The following KIAA0232 variants were observed in gnomAD, a reference collection of about 807,000 sequenced individuals.
The protein encoded by KIAA0232 is uncharacterized protein KIAA0232.
KIAA0232 carries 27 observed loss-of-function variants against 122.0 expected under a neutral mutation model. The ratio of observed to expected loss-of-function variants is 0.22; its 90% CI spans 0.16 to 0.31. The LOEUF is 0.31. Ranked by LOEUF, KIAA0232 falls within the 10% of genes least tolerant of loss-of-function variation. The probability of loss-of-function intolerance (pLI) is 1.00; values close to 1 mark genes in which losing one functional copy is unlikely to be tolerated. For synonymous variants in KIAA0232, 613 were observed against 587.6 expected (o/e 1.04, Z -0.63); for missense variants, 1,551 against 1,634.2 (o/e 0.95, Z 0.88).
chr4:6,789,004 T>C (rs1402424684), intron 1 of KIAA0232, among the ~76,000 whole-genome samples: 2 of 152,104 alleles, frequency 1.3e-5, no homozygotes, highest in Admixed American at 1.3e-4. Context: ...AGAATCTCGC[T>C]CTGTCGCCCA....
Position 6,864,125 on chromosome 4 carries a change from C to T in KIAA0232, c.3743C>T (p.Ala1248Val), listed in dbSNP as rs1157484438. 6 of 1,614,088 alleles carry T rather than the reference C, an allele frequency of 3.7e-6. No homozygotes were observed. In the African/African-American group the frequency reaches 8.0e-5, roughly 22 times the overall value. ...ATTAATAATTTTTGTGGTTGCAAAG[C>T]AGGTTGTCAGTTTCCTGCTTATGAA... ...EEINNFCGCK[A>V]GCQFPAYEDN... The change falls in exon 7 of 10, where the codon GCA becomes GTA. Residue 1248 changes from alanine to valine, a missense_variant. Physicochemically the swap from Ala to Val is moderately conservative, Grantham distance 64. This residue lies in a region of KIAA0232 where 1,108 missense variants were observed against 1,154.8 expected (regional missense o/e 0.96). Transcript: ENST00000307659.
intron 3 of KIAA0232, among the ~76,000 whole-genome samples, chr4:6,838,525 T>A (rs930333062): frequency 6.6e-6 from 1 of 152,150 alleles, no homozygotes; most frequent in Non-Finnish European, 1.5e-5. Flanking sequence ...GCTTCTGAGG[T>A]TACTGGGAGT....
chr4:6,833,028 G>C (rs1277351088), intron 3 of KIAA0232, among the ~76,000 whole-genome samples: 2 of 152,140 alleles, frequency 1.3e-5, no homozygotes, highest in Non-Finnish European at 2.9e-5. Context: ...TCATTCAACA[G>C]ACCTTATTTG....
intron 2 of KIAA0232, among the ~76,000 whole-genome samples, chr4:6,820,641 T>C (rs1042962244): frequency 4.0e-5 from 6 of 151,836 alleles, no homozygotes; most frequent in African/African-American, 1.2e-4. Context: ...TATATGTATG[T>C]TATTAAATAA....
chr4:6,834,209 T>G (rs1719144098), intron 3 of KIAA0232, among the ~76,000 whole-genome samples: 1 of 152,220 alleles, frequency 6.6e-6, no homozygotes, highest in Non-Finnish European at 1.5e-5. Context: ...TGTCTCAGCC[T>G]TCCAAGTAGC....
At chr4:6,812,949 G>T (rs1482056947) in intron 2 of KIAA0232, among the ~76,000 whole-genome samples, 2 of 152,046 alleles carry the variant, frequency 1.3e-5, no homozygotes, top group Admixed American at 1.3e-4. Context: ...TATTTACAGT[G>T]TATTACAAAA....
At chr4:6,791,997 T>C (rs530988297) in intron 1 of KIAA0232, among the ~76,000 whole-genome samples, 1 of 152,184 alleles carries the variant, frequency 6.6e-6, no homozygotes, top group Non-Finnish European at 1.5e-5. Context: ...CCCTGCATAA[T>C]CTCTCCTCTT....
intron 8 of KIAA0232, among the ~76,000 whole-genome samples, chr4:6,872,878 C>T (rs1246643351): frequency 6.6e-6 from 1 of 152,224 alleles, no homozygotes; most frequent in Non-Finnish European, 1.5e-5. Flanking sequence ...GGAAGGCCAG[C>T]TTGGCCAGGT....
chr4:6,801,240 A>G (rs1560164028), intron 1 of KIAA0232, among the ~76,000 whole-genome samples: 2 of 152,228 alleles, frequency 1.3e-5, no homozygotes, highest in African/African-American at 4.8e-5. Context: ...AAAGAACTGA[A>G]TTTTCAATTT....
At chr4:6,788,323 CTCT>C (rs1366810886) in intron 1 of KIAA0232, among the ~76,000 whole-genome samples, 2 of 152,190 alleles carry the variant, frequency 1.3e-5, no homozygotes, top group African/African-American at 4.8e-5. Flanking sequence ...CAGCCTGCAT[CTCT>C]TCTTGTCACC....
intron 1 of KIAA0232, among the ~76,000 whole-genome samples, chr4:6,793,831 A>G (rs1237421549): frequency 6.6e-6 from 1 of 152,164 alleles, no homozygotes; most frequent in Non-Finnish European, 1.5e-5. Context: ...GATGGTTGTC[A>G]TTTTACAAAT....
chr4:6,812,965 A>C (rs1300562702), intron 2 of KIAA0232, among the ~76,000 whole-genome samples: 1 of 152,186 alleles, frequency 6.6e-6, no homozygotes, highest in Non-Finnish European at 1.5e-5. Context: ...CAAAAAAGGG[A>C]ACTATCTTAA....
At chr4:6,812,640 A>G (rs926187265) in intron 2 of KIAA0232, among the ~76,000 whole-genome samples, 1 of 152,218 alleles carries the variant, frequency 6.6e-6, no homozygotes, top group Non-Finnish European at 1.5e-5. Flanking sequence ...TTGCTAATAA[A>G]GATATATATG....
intron 2 of KIAA0232, among the ~76,000 whole-genome samples, chr4:6,807,267 A>G (rs1331787535): frequency 6.6e-6 from 1 of 152,224 alleles, no homozygotes; most frequent in Non-Finnish European, 1.5e-5. Flanking sequence ...CTTGCAATTT[A>G]TGAAAATATT....
At chr4:6,788,796 C>A (rs937497171) in intron 1 of KIAA0232, among the ~76,000 whole-genome samples, 2 of 152,058 alleles carry the variant, frequency 1.3e-5, no homozygotes, top group Non-Finnish European at 2.9e-5. Context: ...AGAACAGGGC[C>A]CAGCATATAG....
intron 9 of KIAA0232, among the ~76,000 whole-genome samples, chr4:6,878,379 T>A (rs28570271): frequency 2.7e-5 from 4 of 149,198 alleles, no homozygotes; most frequent in East Asian, 3.9e-4. Context: ...CATCATTCAT[T>A]CATACATACA....
intron 3 of KIAA0232, among the ~76,000 whole-genome samples, chr4:6,830,702 C>T (rs767588096): frequency 4.6e-5 from 7 of 152,054 alleles, no homozygotes; most frequent in Non-Finnish European, 7.4e-5. Context: ...CTGCCATGCC[C>T]GGCCTGTTTT....
intron 1 of KIAA0232, among the ~76,000 whole-genome samples, chr4:6,792,465 G>C (rs564777537): frequency 2.4e-4 from 36 of 151,986 alleles, no homozygotes; most frequent in Non-Finnish European, 4.7e-4. Flanking sequence ...GGCTATATTA[G>C]TTTTACTACT....
Position 6,883,106 on chromosome 4 carries a change from AAC to A in KIAA0232, c.*2142_*2143del. On this transcript the variant is annotated 3_prime_UTR_variant, in exon 10 of 10. Transcript: ENST00000307659. The stretch of plus-strand genomic sequence containing the variant: ...TAGCTGAAGCTCAGAGGCTTTCAGC[AAC>A]AGAGATGAAAGTGTGGCTTTTTAGT... 1 of 152,692 alleles carries A rather than the reference AAC, an allele frequency of 6.5e-6. No individual in the cohort carries two copies. Among genetic ancestry groups the A allele is most frequent in the East Asian group, 1.9e-4 (1 of 5,206 alleles). 9.5% of individuals were successfully genotyped at this position (152,692 alleles called of 1,614,324 possible).
Sources: gnomAD v4.1 joint callset for allele counts (sites outside exome capture counted in the v4.1 genomes callset) on GRCh38, gnomAD v4.1.1 for gene constraint, gnomAD v4.1.1 regional missense constraint, MANE v1.5 for transcripts, NCBI Gene and HGNC (gene_info 2026-07-23, HGNC 2026-07-21) for gene names.